The following NCAPD2 variants were observed in gnomAD, a reference collection of about 807,000 sequenced individuals.
NCAPD2 encodes the protein condensin complex subunit 1.
Under a neutral mutation model 164.5 loss-of-function variants are expected in NCAPD2, and 100 were observed. That is an observed-to-expected ratio of 0.61 (90% CI 0.52 to 0.72). The LOEUF is 0.72. NCAPD2 is among the 30% of genes least tolerant of loss of function. The pLI is 0.00. For missense variants in NCAPD2, 1,560 were observed against 1,749.2 expected, an observed-to-expected ratio of 0.89 and a Z score of 1.93; for synonymous variants, 585 against 642.6, an observed-to-expected ratio of 0.91 and a Z score of 1.36.
chr12:6,515,318 G>A (rs369027166), intron 9 of NCAPD2, among the ~76,000 whole-genome samples: 1 of 152,030 alleles, frequency 6.6e-6, no homozygotes, highest in South Asian at 2.1e-4. Context: ...CCAAGTAGCT[G>A]GGACTTCAGG....
At chr12:6,517,139 T>C (rs1946209872) in intron 10 of NCAPD2, 114 bp downstream of exon 10, 1 of 1,339,638 alleles carries the variant, frequency 7.5e-7, no homozygotes, top group Non-Finnish European at 1.0e-6. Context: ...ATTCACATTT[T>C]TATTATCAGT....
chr12:6,515,511 C>T (rs577004458), intron 9 of NCAPD2, among the ~76,000 whole-genome samples: 10 of 152,282 alleles, frequency 6.6e-5, no homozygotes, highest in African/African-American at 1.2e-4. Context: ...CCATCTGTTC[C>T]TCAGGATAAA....
chr12:6,500,121 C>T (rs1419699199), intron 2 of NCAPD2, among the ~76,000 whole-genome samples: 1 of 150,648 alleles, frequency 6.6e-6, no homozygotes. Flanking sequence ...GACCCTGTTT[C>T]AAAAAAGAAA....
Position 6,526,061 on chromosome 12 carries a change from C to G in NCAPD2, c.2349-7C>G, listed in dbSNP as rs1264793263. ...CTGCCTTTAACTCTGTGGCTTCCTT[C>G]CCCTAGAGGAAAGCCAGAAATTGTG... On this transcript the variant is annotated splice_region_variant and splice_polypyrimidine_tract_variant and intron_variant, in intron 18 of 31. Coordinates refer to ENST00000315579, the MANE Select transcript of NCAPD2 (RefSeq NM_014865.4). 1 of 1,613,244 alleles carries G rather than the reference C, an allele frequency of 6.2e-7. No individual in the cohort carries two copies. The highest frequency in any genetic ancestry group is 1.3e-5 in the African/African-American group (1 of 74,934).
intron 14 of NCAPD2, among the ~76,000 whole-genome samples, chr12:6,521,507 C>A (rs1946263359): frequency 6.6e-6 from 1 of 152,014 alleles, no homozygotes; most frequent in South Asian, 2.1e-4. Flanking sequence ...CATGACGAAA[C>A]CCCCATCTCT....
intron 2 of NCAPD2, among the ~76,000 whole-genome samples, chr12:6,502,794 C>T (rs1199640514): frequency 1.3e-5 from 2 of 151,914 alleles, no homozygotes; most frequent in Non-Finnish European, 2.9e-5. Flanking sequence ...GCCTGCGCAA[C>T]ACAACAAACC....
At chr12:6,514,739 A>T in intron 8 of NCAPD2, 34 bp from the exon 9 acceptor site, 1 of 1,612,914 alleles carries the variant, frequency 6.2e-7, no homozygotes, top group Non-Finnish European at 8.5e-7. Flanking sequence ...TAATTGATCT[A>T]TGTTGCTATG....
chr12:6,498,737 A>G (rs1434101162), intron 2 of NCAPD2, among the ~76,000 whole-genome samples: 1 of 151,536 alleles, frequency 6.6e-6, no homozygotes, highest in African/African-American at 2.4e-5. Context: ...CCTCCTGAGT[A>G]GCCGGAACTA....
intron 17 of NCAPD2, among the ~76,000 whole-genome samples, chr12:6,525,334 C>T (rs748836960): frequency 1.4e-4 from 22 of 152,060 alleles, no homozygotes; most frequent in Non-Finnish European, 2.6e-4. Flanking sequence ...TATGGACCCA[C>T]GTGGAACTCA....
At chr12:6,509,927 C>A in intron 3 of NCAPD2, 135 bp downstream of exon 3, 4 of 1,248,246 alleles carry the variant, frequency 3.2e-6, no homozygotes, top group South Asian at 1.3e-5. Flanking sequence ...TACTGATGAG[C>A]ATGTACCCAG....
Position 6,528,808 on chromosome 12 carries a change from T to C in NCAPD2, c.3429T>C (p.Pro1143=), listed in dbSNP as rs749333735. The C allele has an allele frequency of 6.2e-7, 1 of 1,613,984 alleles. No homozygotes were observed. The highest frequency in any genetic ancestry group is 1.3e-5 in the African/African-American group (1 of 74,994). ...CGGTGCTGCTCATCGACCCCGAGCCTCAGATTGCTGCCCTGGCCAAGAACT... is the reference window on the plus strand; with the variant it reads ...CGGTGCTGCTCATCGACCCCGAGCCCCAGATTGCTGCCCTGGCCAAGAACT... ...EMAVLLIDPE[P]QIAALAKNFF... Residue 1143 remains proline (P), a synonymous_variant, in exon 26 of 32, where the codon CCT becomes CCC. Transcript: ENST00000315579. The surrounding 1 kb of genome is among the most constrained non-coding windows in gnomAD (Gnocchi z 5.1).
At chr12:6,498,228 A>G (rs914138671) in intron 2 of NCAPD2, among the ~76,000 whole-genome samples, 2 of 152,098 alleles carry the variant, frequency 1.3e-5, no homozygotes, top group African/African-American at 4.8e-5. Flanking sequence ...TTTTAAAACA[A>G]TTGCATTGCT....
chr12:6,525,450 C>G (rs1946307243), intron 17 of NCAPD2, 133 bp from the exon 18 acceptor site: 14 of 1,033,332 alleles, frequency 1.4e-5, no homozygotes, highest in Admixed American at 2.6e-5. Flanking sequence ...CATTTTGAAC[C>G]TCCTCTTTTC....
At chr12:6,511,002 T>TA (rs1243012693) in intron 5 of NCAPD2, 108 bp from the exon 6 acceptor site, 1 of 1,343,876 alleles carries the variant, frequency 7.4e-7, no homozygotes, top group African/African-American at 1.5e-5. Context: ...TCTTCCGTAT[T>TA]ACCTTCTATG....
chr12:6,525,482 C>G, intron 17 of NCAPD2, 101 bp from the exon 18 acceptor site: 8 of 1,380,172 alleles, frequency 5.8e-6, no homozygotes, highest in Non-Finnish European at 7.9e-6. Flanking sequence ...CTAAGTATTA[C>G]TTTTGTCTAC....
intron 2 of NCAPD2, among the ~76,000 whole-genome samples, chr12:6,505,567 G>C (rs991843071): frequency 3.3e-5 from 5 of 152,274 alleles, no homozygotes; most frequent in Admixed American, 1.3e-4. Flanking sequence ...GGCCAGGTGT[G>C]GTGGCTCGCG....
At chr12:6,518,026 C>G (rs992104841) in intron 13 of NCAPD2, 67 bp downstream of exon 13, 4 of 1,470,758 alleles carry the variant, frequency 2.7e-6, no homozygotes, top group African/African-American at 1.4e-5. Context: ...GAGAAACTTA[C>G]ATAATGTGTC....
At chr12:6,529,680 C>G (rs1012371429) in intron 28 of NCAPD2, 87 bp downstream of exon 28, 5 of 1,596,694 alleles carry the variant, frequency 3.1e-6, no homozygotes, top group Non-Finnish European at 4.3e-6. Context: ...AATGCCCCCA[C>G]TGTGGCATCC....
rs1227395346 is a variant in NCAPD2, at chr12:6,509,655, A to T, written c.128-62A>T. 2.7e-6 allele frequency: 4 copies of T among 1,470,134 alleles called. No homozygotes were observed. In the East Asian group the frequency reaches 6.8e-5, roughly 25 times the overall value. The allele number at this position is 1,470,134 out of a possible 1,614,324, so 91.1% of individuals were successfully genotyped here. A position where few individuals can be genotyped will look rare whatever the true frequency, so the allele number is the denominator to read the frequency against. On this transcript the variant is annotated intron_variant, in intron 2 of 31. Transcript: ENST00000315579. ...CAATAAACCTAGTTTTCTGCCATGG[A>T]TAGAATTTACTGAAAAGGTTTCTCT...
Sources: allele counts gnomAD v4.1 joint callset (sites outside exome capture counted in the v4.1 genomes callset), GRCh38; gene constraint gnomAD v4.1.1; non-coding constraint Gnocchi (gnomAD v3.1); transcripts MANE v1.5; gene names NCBI Gene and HGNC (gene_info 2026-07-23, HGNC 2026-07-21).